Variants in GSKIP observed in about 807,000 individuals in gnomAD.
GSKIP encodes the protein GSK3B-interacting protein.
GSKIP carries 5 observed loss-of-function variants against 11.9 expected under a neutral mutation model. That is an observed-to-expected ratio of 0.42 (90% confidence interval 0.22 to 0.89). GSKIP has a LOEUF of 0.89. GSKIP is among the 40% of genes least tolerant of loss of function. The probability of loss-of-function intolerance (pLI) is 0.29; values close to 1 mark genes in which losing one functional copy is unlikely to be tolerated. For synonymous variants in GSKIP, 70 were observed against 62.9 expected (o/e 1.11, Z -0.54); for missense variants, 150 against 166.6 (o/e 0.90, Z 0.55).
intron 1 of GSKIP, among the ~76,000 whole-genome samples, chr14:96,367,421 A>C (rs923694642): frequency 1.3e-5 from 2 of 152,170 alleles, no homozygotes; most frequent in Non-Finnish European, 2.9e-5. Context: ...GTGTGATACA[A>C]ATAAAGGTAA....
At chr14:96,372,773 G>A (rs1325661705) in intron 1 of GSKIP, among the ~76,000 whole-genome samples, 3 of 152,148 alleles carry the variant, frequency 2.0e-5, no homozygotes, top group African/African-American at 7.2e-5. Flanking sequence ...ACATAGAGCT[G>A]GAAACCCAAG....
intron 2 of GSKIP, chr14:96,380,134 C>T (rs1366220406): frequency 6.6e-6 from 1 of 152,022 alleles, no homozygotes; most frequent in Non-Finnish European, 1.5e-5. Flanking sequence ...TTCAGTTACC[C>T]AACAGATTGC....
chr14:96,366,046 G>A (rs1888871679), intron 1 of GSKIP, among the ~76,000 whole-genome samples: 1 of 152,018 alleles, frequency 6.6e-6, no homozygotes, highest in African/African-American at 2.4e-5. Flanking sequence ...GGACCAAAGC[G>A]GTAGCGGTGA....
chr14:96,380,320 GTTA>G (rs1368380839), intron 2 of GSKIP: 2 of 152,178 alleles, frequency 1.3e-5, no homozygotes, highest in African/African-American at 2.4e-5. Context: ...CTTTACATAT[GTTA>G]TTATAAATTG....
chr14:96,375,738 T>G (rs1889182498), intron 1 of GSKIP, among the ~76,000 whole-genome samples: 1 of 152,160 alleles, frequency 6.6e-6, no homozygotes, highest in African/African-American at 2.4e-5. Flanking sequence ...GGCTTGAAAT[T>G]TATTTCTTAT....
At chr14:96,367,085 G>A (rs1268767169) in intron 1 of GSKIP, among the ~76,000 whole-genome samples, 2 of 152,180 alleles carry the variant, frequency 1.3e-5, no homozygotes, top group Admixed American at 1.3e-4. Context: ...TCAGGGTCAG[G>A]CTTTCTTCTT....
chr14:96,369,629 T>C (rs1566742346), intron 1 of GSKIP, among the ~76,000 whole-genome samples: 1 of 152,222 alleles, frequency 6.6e-6, no homozygotes, highest in Non-Finnish European at 1.5e-5. Flanking sequence ...CTGTAAGCTG[T>C]ATGTCTTTGC....
chr14:96,384,709 A>G (rs955412612), intron 3 of GSKIP: 7 of 152,134 alleles, frequency 4.6e-5, no homozygotes, highest in Admixed American at 3.9e-4. Flanking sequence ...TCTAAGGACA[A>G]TATATTAAAT....
chr14:96,366,066 G>A (rs981652977), intron 1 of GSKIP, among the ~76,000 whole-genome samples: 3 of 152,042 alleles, frequency 2.0e-5, no homozygotes, highest in Non-Finnish European at 4.4e-5. Flanking sequence ...AAAATGATTA[G>A]TTAGAAGCAG....
intron 1 of GSKIP, among the ~76,000 whole-genome samples, chr14:96,370,368 C>T (rs1012697739): frequency 4.6e-5 from 7 of 152,022 alleles, no homozygotes; most frequent in South Asian, 4.2e-4. Flanking sequence ...ATTTGAGAAG[C>T]GAGGAGTGGA....
At chr14:96,368,487 A>G (rs530100349) in intron 1 of GSKIP, among the ~76,000 whole-genome samples, 4 of 152,210 alleles carry the variant, frequency 2.6e-5, no homozygotes, top group South Asian at 4.1e-4. Flanking sequence ...CTGCTTATTT[A>G]CAGTTTGTAA....
intron 2 of GSKIP, chr14:96,380,106 A>G (rs1595350947): frequency 1.3e-5 from 2 of 152,316 alleles, no homozygotes; most frequent in South Asian, 2.1e-4. Flanking sequence ...TTTCCTATAT[A>G]ATAAGTCAAT....
chr14:96,386,921 C>T lies in GSKIP; in HGVS notation c.*1237C>T, dbSNP rs1011141584. 6.6e-6 allele frequency: 1 copy of T among 152,436 alleles called. No individual in the cohort carries two copies. The highest frequency in any genetic ancestry group is 1.9e-4 in the East Asian group (1 of 5,194). 9.4% of individuals were successfully genotyped at this position (152,436 alleles called of 1,614,324 possible). ...ACTAAAATTTTGCATCTGGTCATAC[C>T]TTCATGCATTTATCATTTGCAGATA... On this transcript the variant is annotated 3_prime_UTR_variant, in exon 4 of 4. Coordinates refer to ENST00000555181, the MANE Select transcript of GSKIP (RefSeq NM_016472.5).
chr14:96,365,571 T>C (rs1888857433), intron 1 of GSKIP, among the ~76,000 whole-genome samples: 1 of 71,440 alleles, frequency 1.4e-5, no homozygotes, highest in African/African-American at 6.2e-5. Context: ...GGCTCACTCC[T>C]GTAATCCCAG....
intron 1 of GSKIP, among the ~76,000 whole-genome samples, chr14:96,374,331 G>A (rs1453044187): frequency 6.6e-6 from 1 of 152,108 alleles, no homozygotes; most frequent in Non-Finnish European, 1.5e-5. Context: ...AAAGAGGATA[G>A]GGACACATAA....
Position 96,383,394 on chromosome 14 carries a change from T to TAA in GSKIP, c.258+903_258+904dup, listed in dbSNP as rs35652932. On this transcript the variant is annotated intron_variant, in intron 3 of 3. Transcript: ENST00000555181. Reference sequence around the variant, plus strand: ...CCAGCCTGGGTACACAGACCCTGTTTAAAAAAAAAAAAAAACTATTATAAA... The same window carrying TAA: ...CCAGCCTGGGTACACAGACCCTGTTTAAAAAAAAAAAAAAAAACTATTATAAA... Among the ~76,000 whole-genome samples, 192 of 140,388 alleles carry TAA rather than the reference T, an allele frequency of 1.4e-3. 2 individuals are homozygous for TAA. The East Asian group carries it at 0.026, about 19-fold the overall frequency. The allele number at this position is 140,388 out of a possible 152,430, so 92.1% of individuals were successfully genotyped here.
rs1457191538 is a variant in GSKIP at position 96,387,106 on chromosome 14, T to G, written c.*1422T>G. On this transcript the variant is annotated 3_prime_UTR_variant, in exon 4 of 4. Coordinates refer to ENST00000555181, the MANE Select transcript of GSKIP (RefSeq NM_016472.5). ...ATTCTCAGCTTTATTTTCAGATGCT[T>G]AACTGGGCAACGAAGTCTAACTTCA... 1 of 152,370 alleles carries G rather than the reference T, an allele frequency of 6.6e-6. No homozygotes were observed. The highest frequency in any genetic ancestry group is 1.9e-4 in the East Asian group (1 of 5,186). 9.4% of individuals were successfully genotyped at this position (152,370 alleles called of 1,614,324 possible).
chr14:96,364,971 C>G (rs1461175032), intron 1 of GSKIP: 1 of 149,244 alleles, frequency 6.7e-6, no homozygotes, highest in East Asian at 1.9e-4. Context: ...GCACTCCAGC[C>G]TGAACCACAG....
intron 1 of GSKIP, among the ~76,000 whole-genome samples, chr14:96,365,483 G>A (rs1335540606): frequency 1.5e-3 from 200 of 135,028 alleles, no homozygotes; most frequent in Non-Finnish European, 2.7e-3. Context: ...GTGGGGGGTG[G>A]GGCGGGCGGG....
Sources: gnomAD v4.1 joint callset for allele counts (sites outside exome capture counted in the v4.1 genomes callset) on GRCh38, gnomAD v4.1.1 for gene constraint, MANE v1.5 for transcripts, NCBI Gene and HGNC (gene_info 2026-07-23, HGNC 2026-07-21) for gene names.